The following RBM12B variants were observed in gnomAD, a reference collection of about 807,000 sequenced individuals.
RBM12B encodes the protein RNA binding motif protein 12B, also known as RNA-binding protein 12B.
In RBM12B, 10 loss-of-function variants were observed where a neutral mutation model predicts 34.3. The observed-to-expected ratio is 0.29, with a 90% CI of 0.18 to 0.49. The LOEUF (loss-of-function observed/expected upper bound fraction) is 0.49, where lower values mean the gene tolerates loss of function less well. Among genes scored for constraint, RBM12B ranks in the 20% least tolerant of loss-of-function variants. The pLI, the probability that RBM12B is intolerant of heterozygous loss-of-function variation, is 0.99. For synonymous variants in RBM12B, 477 were observed against 437.1 expected (o/e 1.09, Z -1.14); for missense variants, 1,139 against 1,262.7 (o/e 0.90, Z 1.48).
In RBM12B at chr8:93,730,984, G is replaced by A. The variant is rs1301547840; in HGVS notation, c.*2421C>T. 1 of 152,162 alleles carries A rather than the reference G, an allele frequency of 6.6e-6. No individual in the cohort carries two copies. The highest frequency in any genetic ancestry group is 1.5e-5 in the Non-Finnish European group (1 of 68,060). 9.4% of individuals were successfully genotyped at this position (152,162 alleles called of 1,614,324 possible). On this transcript the variant is annotated 3_prime_UTR_variant, in exon 4 of 4. Coordinates refer to ENST00000520560, the MANE Select transcript of RBM12B (RefSeq NM_001377960.1). Reference sequence around the variant, plus strand: ...GAGAACAGCCTGGGCAACACAGTGAGACTCTGTCTCTACAAATAATAAAAA... The same window carrying A: ...GAGAACAGCCTGGGCAACACAGTGAAACTCTGTCTCTACAAATAATAAAAA...
Position 93,734,557 on chromosome 8 carries a change from G to C in RBM12B, c.1854C>G (p.Asp618Glu). Residue 618 changes from aspartate to glutamate, a missense_variant, in exon 4 of 4, where the codon GAC becomes GAG. Asp to Glu is a conservative substitution (Grantham distance 45, BLOSUM62 2). This residue lies in a region of RBM12B where 863 missense variants were observed against 869.5 expected (regional missense o/e 0.99). Transcript: ENST00000520560. ...EDDFRHPREE[D>E]WRRPLEEDWR... ...AGTCCTCCTCAAGGGGCCTCCTCCA[G>C]TCCTCCTCCCTAGGGTGCCTGAAGT... 6.2e-7 allele frequency: 1 copy of C among 1,613,034 alleles called. No homozygotes were observed. The highest frequency in any genetic ancestry group is 8.5e-7 in the Non-Finnish European group (1 of 1,179,698).
Position 93,733,952 on chromosome 8 carries a change from C to G in RBM12B, c.2459G>C (p.Arg820Thr). 6.2e-7 allele frequency: 1 copy of G among 1,613,510 alleles called. No individual in the cohort carries two copies. Among genetic ancestry groups the G allele is most frequent in the Non-Finnish European group, 8.5e-7 (1 of 1,179,830 alleles). ...CCTGAAGTCCTCATCAGGAGGGTGC[C>G]TAAAGTCTTCATCAGGAGGGCCCCT... ...DFRGPPDEDF[R>T]HPPDEDFRSP... The change falls in exon 4 of 4, where the codon AGG becomes ACG. Residue 820 changes from arginine to threonine, a missense_variant. By Grantham distance (71) the Arg-to-Thr change is moderately conservative. This residue lies in a region of RBM12B where 863 missense variants were observed against 869.5 expected (regional missense o/e 0.99). Transcript: ENST00000520560.
In RBM12B at chr8:93,734,228, T is replaced by G. The variant is rs867210430; in HGVS notation, c.2183A>C (p.Gln728Pro). 3 of 1,604,468 alleles carry G rather than the reference T, an allele frequency of 1.9e-6. No individual in the cohort carries two copies. The highest frequency in any genetic ancestry group is 2.6e-6 in the Non-Finnish European group (3 of 1,174,564). ...SPQEHFRRPP[Q>P]EHFRRPPPEH... ...TGGGGGTGGCCGACGGAAATGCTCC[T>G]GAGGTGGCCTCCGGAAATGCTCCTG... Residue 728 changes from glutamine to proline, a missense_variant, in exon 4 of 4, where the codon CAG (glutamine) becomes CCG (proline). Physicochemically the swap from Gln to Pro is moderately conservative, Grantham distance 76 (BLOSUM62 -1). This residue lies in a region of RBM12B where 863 missense variants were observed against 869.5 expected (regional missense o/e 0.99). Transcript: ENST00000520560.
In RBM12B at chr8:93,728,207, A is replaced by T. The variant is rs1811622874; in HGVS notation, c.*5198T>A. On this transcript the variant is annotated 3_prime_UTR_variant, in exon 4 of 4. Transcript: ENST00000520560. ...AAAAGTGTGTTAACTTTTAACAGGTATCCACTTGTCGACTAAGAAAGGATC... is the reference window on the plus strand; with the variant it reads ...AAAAGTGTGTTAACTTTTAACAGGTTTCCACTTGTCGACTAAGAAAGGATC... 6.4e-7 allele frequency: 1 copy of T among 1,565,670 alleles called. No individual in the cohort carries two copies. Among genetic ancestry groups the T allele is most frequent in the African/African-American group, 1.4e-5 (1 of 72,274 alleles).
rs1477372202 is a variant in RBM12B at position 93,734,469 on chromosome 8, CGGGGAGCTGCCTGAAGTCCTCCGT to C, written c.1918_1941del (p.Thr640_Pro647del). 6.2e-7 allele frequency: 1 copy of C among 1,604,898 alleles called. No homozygotes were observed. The highest frequency in any genetic ancestry group is 8.5e-7 in the Non-Finnish European group (1 of 1,174,594). On this transcript the variant is annotated inframe_deletion, in exon 4 of 4. Transcript: ENST00000520560. ...TCAGGGGGTTGCCTGAAGTCCTCCTCGGGGAGCTGCCTGAAGTCCTCCGTGGGAGACCGCCTGAAATCCTCCTCC... is the reference window on the plus strand; with the variant it reads ...TCAGGGGGTTGCCTGAAGTCCTCCTCGGGAGACCGCCTGAAATCCTCCTCC...
intron 2 of RBM12B, chr8:93,740,300 G>C (rs760815804): frequency 2.2e-6 from 1 of 456,982 alleles, no homozygotes; most frequent in African/African-American, 2.0e-5. Context: ...TCATCCGAAG[G>C]CATCGATTCT....
Position 93,734,643 on chromosome 8 carries a change from G to A in RBM12B, c.1768C>T (p.Pro590Ser), listed in dbSNP as rs949198844. The change falls in exon 4 of 4, where the codon CCT (proline) becomes TCT (serine). Residue 590 changes from proline to serine, a missense_variant. Around this residue, in one of 3 missense-constraint regions of RBM12B, gnomAD observed 863 missense variants for 869.5 expected, o/e 0.99. Transcript: ENST00000520560. Reference sequence around the variant, plus strand: ...GGGCGCCTGAAGTCCTCCTCAGAAGGCCGCCTGAAGTCTTCCTCCCTAGGT... The same window carrying A: ...GGGCGCCTGAAGTCCTCCTCAGAAGACCGCCTGAAGTCTTCCTCCCTAGGT... ...RRPREEDFRRPSEEDFRRPWE... is the reference protein window; with the variant it reads ...RRPREEDFRRSSEEDFRRPWE... The A allele has an allele frequency of 4.3e-6, 7 of 1,613,610 alleles. No homozygotes were observed. Among genetic ancestry groups the A allele is most frequent in the Admixed American group, 1.7e-5 (1 of 59,972 alleles).
At position 93,736,007 on chromosome 8, in the gene RBM12B, T is replaced by C. The variant is rs372114152; in HGVS notation, c.404A>G (p.Asn135Ser). The C allele has an allele frequency of 9.9e-6, 16 of 1,614,066 alleles. 1 individual carries two copies. Among genetic ancestry groups the C allele is most frequent in the East Asian group, 6.7e-5 (3 of 44,898 alleles). The change falls in exon 4 of 4, where the codon AAT (asparagine) becomes AGT (serine). Residue 135 changes from asparagine (N) to serine (S), a missense_variant. Around this residue, in one of 3 missense-constraint regions of RBM12B, gnomAD observed 216 missense variants for 292.2 expected, o/e 0.74. Coordinates refer to ENST00000520560, the MANE Select transcript of RBM12B (RefSeq NM_001377960.1). ...CCTTAAATTACCATGTCCTGTACCA[T>C]TAGTATGAAACCCAGCATCTTGATT... ...SINQDAGFHT[N>S]GTGHGNLRPR... is the part of the protein sequence containing the mutation.
chr8:93,734,810 A>G lies in RBM12B; in HGVS notation c.1601T>C (p.Leu534Ser). The change falls in exon 4 of 4, where the codon TTG (leucine) becomes TCG (serine). Residue 534 changes from leucine (L) to serine (S), a missense_variant. Transcript: ENST00000520560. ...ATGCTTGAAGTTATCCAGTTGCCTC[A>G]AGTCCTCTAGCTGATGTCTAAAGTT... ...FENFRHQLED[L>S]RQLDNFKHPQ... 2.5e-6 allele frequency: 4 copies of G among 1,614,104 alleles called. No homozygotes were observed. Among genetic ancestry groups the G allele is most frequent in the Non-Finnish European group, 3.4e-6 (4 of 1,179,992 alleles).
At chr8:93,736,478 T>C in intron 3 of RBM12B, 40 bp from the exon 4 acceptor site, 1 of 1,458,590 alleles carries the variant, frequency 6.9e-7, no homozygotes, top group Non-Finnish European at 9.0e-7. Context: ...AGTCTTATTT[T>C]TGAAGTACCT....
In RBM12B at chr8:93,734,122, G is replaced by T; in HGVS notation, c.2289C>A (p.Phe763Leu). ...TGAAATGCTCTGGGGGTGGCCGCCT[G>T]AAGTGCTCTGGGGGTGGCCGCCGGA... ...EHFRRPPPEH[F>L]RRPPPEHFRR... Residue 763 changes from phenylalanine to leucine, a missense_variant, in exon 4 of 4, where the codon TTC becomes TTA. This residue lies in a region of RBM12B where 863 missense variants were observed against 869.5 expected (regional missense o/e 0.99). Transcript: ENST00000520560. The T allele has an allele frequency of 1.3e-6, 2 of 1,557,738 alleles. No individual in the cohort carries two copies. The highest frequency in any genetic ancestry group is 2.3e-5 in the East Asian group (1 of 44,434).
intron 2 of RBM12B, chr8:93,740,408 CTT>C (rs1204846645): frequency 2.2e-6 from 1 of 457,404 alleles, no homozygotes; most frequent in South Asian, 1.5e-5. Context: ...TGTCGCCAGA[CTT>C]TCAGCCAAAA....
Position 93,735,352 on chromosome 8 carries a change from A to G in RBM12B, c.1059T>C (p.Val353=). 1.2e-6 allele frequency: 2 copies of G among 1,613,948 alleles called. No homozygotes were observed. Among genetic ancestry groups the G allele is most frequent in the Non-Finnish European group, 1.7e-6 (2 of 1,179,976 alleles). Residue 353 remains valine, a synonymous_variant, in exon 4 of 4, where the codon GTT becomes GTC. Coordinates refer to ENST00000520560, the MANE Select transcript of RBM12B (RefSeq NM_001377960.1). The part of the protein sequence containing the change: ...LHKTVLQYRP[V]HIDPISRKQM... ...GTTTTCTAGAAATTGGATCAATATG[A>G]ACTGGACGATATTGTAAAACAGTCT...
At position 93,728,273 on chromosome 8, in the gene RBM12B, A is replaced by G. The variant is rs769403311; in HGVS notation, c.*5132T>C. ...ATGAGGATGACGAGTTAGATGTTAC[A>G]GAAGAAGAAAATTTTCTTAAGTAAA... On this transcript the variant is annotated 3_prime_UTR_variant, in exon 4 of 4. Coordinates refer to ENST00000520560, the MANE Select transcript of RBM12B (RefSeq NM_001377960.1). 20 of 1,570,892 alleles carry G rather than the reference A, an allele frequency of 1.3e-5. 1 individual carries two copies. The highest frequency in any genetic ancestry group is 4.7e-5 in the South Asian group (4 of 85,502).
chr8:93,733,916 T>C lies in RBM12B; in HGVS notation c.2495A>G (p.Glu832Gly), dbSNP rs1811881126. The stretch of plus-strand genomic sequence containing the variant: ...ATCAGAAGGGCATCTAAAATCTTCC[T>C]CCTGGGGGCTCCTGAAGTCCTCATC... ...PPDEDFRSPQ[E>G]EDFRCPSDED... The change falls in exon 4 of 4, where the codon GAG becomes GGG. Residue 832 changes from glutamate (E) to glycine (G), a missense_variant. Around this residue, in one of 3 missense-constraint regions of RBM12B, gnomAD observed 863 missense variants for 869.5 expected, o/e 0.99. Coordinates refer to ENST00000520560, the MANE Select transcript of RBM12B (RefSeq NM_001377960.1). 1 of 1,613,264 alleles carries C rather than the reference T, an allele frequency of 6.2e-7. No individual in the cohort carries two copies. The highest frequency in any genetic ancestry group is 1.3e-5 in the African/African-American group (1 of 74,752).
chr8:93,740,348 G>C (rs146196931), intron 2 of RBM12B: 4 of 457,304 alleles, frequency 8.7e-6, no homozygotes, highest in Non-Finnish European at 8.8e-6. Flanking sequence ...CCAGGGGTCA[G>C]AGCTTCCTTC....
Position 93,735,541 on chromosome 8 carries a change from A to AT in RBM12B, c.869dup (p.Asn290LysfsTer7). 6.2e-7 allele frequency: 1 copy of AT among 1,614,138 alleles called. No homozygotes were observed. Among genetic ancestry groups the AT allele is most frequent in the Non-Finnish European group, 8.5e-7 (1 of 1,180,016 alleles). ...CTCTTTCGTCAATACTGAGGGACAG[A>AT]TTTTTTAAGTGAACATAAAATCCAA... is the stretch of plus-strand genomic sequence containing the variant. On this transcript the variant is annotated frameshift_variant, in exon 4 of 4. Transcript: ENST00000520560. LOFTEE classifies it low-confidence loss of function (END_TRUNC).
At position 93,733,556 on chromosome 8, in the gene RBM12B, G is replaced by A; in HGVS notation, c.2855C>T (p.Pro952Leu). ...LDFFHGYRIIPDSVSIQYNEQ... is the reference protein window; with the variant it reads ...LDFFHGYRIILDSVSIQYNEQ... ...ATTATACTGTATCGAAACTGAATCA[G>A]GTATGATTCTGTAACCATGGAAAAA... The change falls in exon 4 of 4, where the codon CCT becomes CTT. Residue 952 changes from proline to leucine, a missense_variant. Physicochemically the swap from Pro to Leu is moderately conservative, Grantham distance 98 (BLOSUM62 -3). Coordinates refer to ENST00000520560, the MANE Select transcript of RBM12B (RefSeq NM_001377960.1). The A allele has an allele frequency of 6.2e-7, 1 of 1,613,168 alleles. No individual in the cohort carries two copies. Among genetic ancestry groups the A allele is most frequent in the African/African-American group, 1.3e-5 (1 of 74,936 alleles).
rs1811675659 is a variant in RBM12B at position 93,728,933 on chromosome 8, C to T, written c.*4472G>A. 6.6e-6 allele frequency: 1 copy of T among 152,046 alleles called. No homozygotes were observed. The highest frequency in any genetic ancestry group is 1.5e-5 in the Non-Finnish European group (1 of 67,948). The allele number at this position is 152,046 out of a possible 1,614,324, so 9.4% of individuals were successfully genotyped here. ...AAACAAAACTGCTGTCATAATTATACATGATACTGCAACTTTTGGAAGGCT... is the reference window on the plus strand; with the variant it reads ...AAACAAAACTGCTGTCATAATTATATATGATACTGCAACTTTTGGAAGGCT... On this transcript the variant is annotated 3_prime_UTR_variant, in exon 4 of 4. Transcript: ENST00000520560.
Sources: gnomAD v4.1 joint callset for allele counts on GRCh38, gnomAD v4.1.1 for gene constraint, gnomAD v4.1.1 regional missense constraint, MANE v1.5 for transcripts, NCBI Gene and HGNC (gene_info 2026-07-23, HGNC 2026-07-21) for gene names.